Variants in RCOR1 observed in about 807,000 individuals in gnomAD.
The protein encoded by RCOR1 is REST corepressor 1, also known as REST corepressor.
RCOR1 carries 12 observed loss-of-function variants against 64.0 expected under a neutral mutation model. The ratio of observed to expected loss-of-function variants is 0.19; its 90% CI spans 0.12 to 0.30. The LOEUF is 0.30. Ranked by LOEUF, RCOR1 falls within the 10% of genes least tolerant of loss-of-function variation. The pLI is 1.00. For missense variants in RCOR1, 502 were observed against 621.2 expected, an observed-to-expected ratio of 0.81 and a Z score of 2.04; for synonymous variants, 279 against 227.2, an observed-to-expected ratio of 1.23 and a Z score of -2.05.
intron 2 of RCOR1, among the ~76,000 whole-genome samples, chr14:102,595,515 C>T (rs766547095): frequency 6.6e-6 from 1 of 151,980 alleles, no homozygotes; most frequent in South Asian, 2.1e-4. Context: ...AGGAAAACAT[C>T]TAACTGTTTT....
intron 2 of RCOR1, among the ~76,000 whole-genome samples, chr14:102,615,125 C>T (rs1893728868): frequency 1.4e-5 from 1 of 71,482 alleles, no homozygotes; most frequent in Admixed American, 1.4e-4. Flanking sequence ...GCCATAGTGC[C>T]CGGCCCCCCC....
intron 2 of RCOR1, among the ~76,000 whole-genome samples, chr14:102,607,364 T>A (rs373470221): frequency 6.8e-4 from 104 of 152,312 alleles, no homozygotes; most frequent in African/African-American, 2.2e-3. Flanking sequence ...GCTTTCCTTA[T>A]AATGAATTTG....
At chr14:102,643,242 CCA>C (rs1894408875) in intron 2 of RCOR1, 1 of 451,590 alleles carries the variant, frequency 2.2e-6, no homozygotes, top group Non-Finnish European at 2.9e-6. Flanking sequence ...CCAGATCATG[CCA>C]CTGCACTCCA....
At chr14:102,689,280 A>G (rs1461923907) in intron 3 of RCOR1, among the ~76,000 whole-genome samples, 1 of 152,172 alleles carries the variant, frequency 6.6e-6, no homozygotes, top group African/African-American at 2.4e-5. Flanking sequence ...AAATGGATAG[A>G]TTAATCTGAG....
intron 4 of RCOR1, among the ~76,000 whole-genome samples, chr14:102,701,767 T>A (rs374239758): frequency 3.3e-5 from 5 of 152,380 alleles, no homozygotes; most frequent in East Asian, 3.9e-4. Context: ...GTGACCAGGC[T>A]GGAGTGCAGT....
Position 102,688,050 on chromosome 14 carries a change from T to G in RCOR1, c.445+6072T>G, listed in dbSNP as rs140813070. On this transcript the variant is annotated intron_variant, in intron 3 of 11. Transcript: ENST00000262241. Reference sequence around the variant, plus strand: ...GGCGTGATCTTGGCTCACTGCAACCTCTGCCTCCTGGGTTCAAGCAGTTCT... The same window carrying G: ...GGCGTGATCTTGGCTCACTGCAACCGCTGCCTCCTGGGTTCAAGCAGTTCT... Among the ~76,000 whole-genome samples the G allele has an allele frequency of 1.6e-3, 234 of 149,458 alleles. 1 individual carries two copies. The highest frequency in any genetic ancestry group is 5.4e-3 in the African/African-American group (221 of 40,836).
intron 2 of RCOR1, among the ~76,000 whole-genome samples, chr14:102,676,371 G>A (rs1325010888): frequency 5.0e-5 from 7 of 139,718 alleles, no homozygotes; most frequent in South Asian, 2.3e-4. Context: ...CGGACGGGGC[G>A]GCTGGCCGGG....
At chr14:102,617,764 A>G (rs1893791714) in intron 2 of RCOR1, among the ~76,000 whole-genome samples, 4 of 151,244 alleles carry the variant, frequency 2.6e-5, no homozygotes, top group South Asian at 2.1e-4. Context: ...TAATTTTTGT[A>G]TTTTTAGTAG....
intron 2 of RCOR1, chr14:102,657,165 G>C: frequency 1.0e-6 from 1 of 984,192 alleles, no homozygotes; most frequent in Non-Finnish European, 1.2e-6. Context: ...GTAGAAACTC[G>C]TGAAAAATAT....
intron 2 of RCOR1, among the ~76,000 whole-genome samples, chr14:102,610,649 C>T (rs1595193470): frequency 6.6e-6 from 1 of 152,178 alleles, no homozygotes; most frequent in Non-Finnish European, 1.5e-5. Flanking sequence ...TGCAAGCTCG[C>T]CCACCCGCGT....
At chr14:102,709,544 T>TG (rs1895918077) in intron 6 of RCOR1, among the ~76,000 whole-genome samples, 1 of 152,190 alleles carries the variant, frequency 6.6e-6, no homozygotes, top group South Asian at 2.1e-4. Context: ...TGAGAACACA[T>TG]TGAAAGTTGA....
At chr14:102,704,031 C>T (rs1359145402) in intron 4 of RCOR1, among the ~76,000 whole-genome samples, 1 of 152,262 alleles carries the variant, frequency 6.6e-6, no homozygotes, top group African/African-American at 2.4e-5. Context: ...TTCATATAAT[C>T]TAGTCAGATA....
In RCOR1 at chr14:102,726,564, A is replaced by G; in HGVS notation, c.*58A>G. The G allele has an allele frequency of 7.1e-7, 1 of 1,407,434 alleles. No individual in the cohort carries two copies. The highest frequency in any genetic ancestry group is 9.9e-7 in the Non-Finnish European group (1 of 1,014,166). 87.2% of individuals were successfully genotyped at this position (1,407,434 alleles called of 1,614,324 possible). A position where few individuals can be genotyped will look rare whatever the true frequency, so the allele number is the denominator to read the frequency against. On this transcript the variant is annotated 3_prime_UTR_variant, in exon 12 of 12. Coordinates refer to ENST00000262241, the MANE Select transcript of RCOR1 (RefSeq NM_015156.4). ...TACTGTGTTATCCGGGATATCAGGTATTATGAGACATCACCTAGCCATCTG... is the reference window on the plus strand; with the variant it reads ...TACTGTGTTATCCGGGATATCAGGTGTTATGAGACATCACCTAGCCATCTG...
chr14:102,711,026 C>T lies in RCOR1; in HGVS notation c.858+13C>T. ...AAGCAAAAAGGAGGTATTTTTTCCC[C>T]CTAGTATTGTTTAGGCGAATAAATT... On this transcript the variant is annotated intron_variant, in intron 7 of 11. Transcript: ENST00000262241. 6.4e-7 allele frequency: 1 copy of T among 1,554,314 alleles called. No homozygotes were observed.
At chr14:102,655,458 C>G in intron 2 of RCOR1, 1 of 982,362 alleles carries the variant, frequency 1.0e-6, no homozygotes. Context: ...TTTGTTTTTG[C>G]TTTATCACAG....
chr14:102,602,185 T>C (rs1368031567), intron 2 of RCOR1, among the ~76,000 whole-genome samples: 2 of 151,768 alleles, frequency 1.3e-5, no homozygotes, highest in African/African-American at 4.8e-5. Context: ...TGATAATATG[T>C]TTTCTTGTTA....
intron 2 of RCOR1, among the ~76,000 whole-genome samples, chr14:102,601,351 A>G (rs1288963459): frequency 1.3e-5 from 2 of 152,248 alleles, no homozygotes; most frequent in Non-Finnish European, 2.9e-5. Flanking sequence ...TGCTTCAGGT[A>G]CAGCTAAAGC....
chr14:102,636,531 C>T lies in RCOR1; in HGVS notation c.361+43206C>T, dbSNP rs1414884168. 7.9e-5 allele frequency among the ~76,000 whole-genome samples: 12 copies of T among 152,158 alleles called. No individual in the cohort carries two copies. In the East Asian group the frequency reaches 1.7e-3, roughly 22 times the overall value. ...TCTGACCTCAGGCTATTTCTTCCCC[C>T]AGGGCCTCCCAAAGTGCTGAGAATA... On this transcript the variant is annotated intron_variant, in intron 2 of 11. Coordinates refer to ENST00000262241, the MANE Select transcript of RCOR1 (RefSeq NM_015156.4).
intron 3 of RCOR1, 25 bp downstream of exon 3, chr14:102,682,003 C>T (rs533516285): frequency 1.8e-4 from 283 of 1,547,420 alleles, no homozygotes; most frequent in Non-Finnish European, 2.5e-4. Context: ...ACTTTATTTT[C>T]CACCTTTCTT....
Sources: allele counts gnomAD v4.1 joint callset (sites outside exome capture counted in the v4.1 genomes callset), GRCh38; gene constraint gnomAD v4.1.1; transcripts MANE v1.5; gene names NCBI Gene and HGNC (gene_info 2026-07-23, HGNC 2026-07-21).